Variants in PANX1 observed in about 807,000 individuals in gnomAD.
The protein encoded by PANX1 is pannexin-1.
In PANX1, 30 loss-of-function variants were observed where a neutral mutation model predicts 38.7. The ratio of observed to expected loss-of-function variants is 0.78; its 90% CI spans 0.58 to 1.05. PANX1 has a LOEUF of 1.05. Ranked by LOEUF, PANX1 falls within the 50% of genes least tolerant of loss-of-function variation. PANX1 has a pLI of 0.00. For synonymous variants in PANX1, 230 were observed against 212.2 expected, an observed-to-expected ratio of 1.08 and a Z score of -0.73; for missense variants, 551 against 517.2, an observed-to-expected ratio of 1.07 and a Z score of -0.63.
At chr11:94,165,885 C>T (rs996034581) in intron 2 of PANX1, among the ~76,000 whole-genome samples, 1 of 152,052 alleles carries the variant, frequency 6.6e-6, no homozygotes, top group Non-Finnish European at 1.5e-5. Context: ...TGCACTCCAG[C>T]CTGGGCAACA....
chr11:94,145,475 T>G (rs1429061927), intron 1 of PANX1, among the ~76,000 whole-genome samples: 1 of 152,214 alleles, frequency 6.6e-6, no homozygotes, highest in Non-Finnish European at 1.5e-5. Flanking sequence ...GCAGAGATAT[T>G]TGGTTTTCTT....
chr11:94,165,985 ATAACT>A (rs1458651808), intron 2 of PANX1, among the ~76,000 whole-genome samples: 2 of 152,166 alleles, frequency 1.3e-5, no homozygotes, highest in Non-Finnish European at 2.9e-5. Flanking sequence ...TAAACTGAAG[ATAACT>A]TAATTCCAAT....
At chr11:94,154,163 A>T (rs1440361075) in intron 2 of PANX1, among the ~76,000 whole-genome samples, 1 of 152,114 alleles carries the variant, frequency 6.6e-6, no homozygotes, top group African/African-American at 2.4e-5. Context: ...TTTGGAATGG[A>T]TCCCTTTGCT....
In PANX1 at chr11:94,160,393, A is replaced by G. The variant is rs1947011756; in HGVS notation, c.321+6763A>G. 2.6e-5 allele frequency among the ~76,000 whole-genome samples: 4 copies of G among 152,150 alleles called. No individual in the cohort carries two copies. The South Asian group carries it at 8.3e-4, about 32-fold the overall frequency. ...TTGTAGGTCTCTAAGGACTGGCTTT[A>G]TGAATCTGGGGGCTCCTGTATTGGG... On this transcript the variant is annotated intron_variant, in intron 2 of 4. Coordinates refer to ENST00000227638, the MANE Select transcript of PANX1 (RefSeq NM_015368.4).
rs12285991 is a variant in PANX1 at position 94,162,494 on chromosome 11, C to T, written c.321+8864C>T. Among the ~76,000 whole-genome samples the T allele has an allele frequency of 4.4e-3, 668 of 152,314 alleles. 3 individuals are homozygous for T. The highest frequency in any genetic ancestry group is 0.014 in the African/African-American group (600 of 41,576). On this transcript the variant is annotated intron_variant, in intron 2 of 4. Coordinates refer to ENST00000227638, the MANE Select transcript of PANX1 (RefSeq NM_015368.4). ...GCTGTGCTAGCAATGAGCGAGGCTCCGTGGGCGTAGGACCCTCCGAGCCAG... is the reference window on the plus strand; with the variant it reads ...GCTGTGCTAGCAATGAGCGAGGCTCTGTGGGCGTAGGACCCTCCGAGCCAG...
At chr11:94,153,036 T>A (rs1003924697) in intron 1 of PANX1, among the ~76,000 whole-genome samples, 1 of 152,344 alleles carries the variant, frequency 6.6e-6, no homozygotes, top group South Asian at 2.1e-4. Flanking sequence ...CAGCTTTCTC[T>A]TCCTCAGGCT....
intron 2 of PANX1, among the ~76,000 whole-genome samples, chr11:94,173,032 C>T (rs1191012695): frequency 6.6e-6 from 1 of 151,714 alleles, no homozygotes; most frequent in Non-Finnish European, 1.5e-5. Flanking sequence ...AGGGAGTGCA[C>T]ATTAGCTTTC....
chr11:94,179,846 C>G lies in PANX1; in HGVS notation c.790C>G (p.Gln264Glu), dbSNP rs761387918. 8.7e-6 allele frequency: 14 copies of G among 1,614,016 alleles called. No individual in the cohort carries two copies. The highest frequency in any genetic ancestry group is 1.0e-5 in the Non-Finnish European group (12 of 1,180,034). The change falls in exon 4 of 5, where the codon CAG becomes GAG. Residue 264 changes from glutamine to glutamate, a missense_variant. Gln to Glu is a conservative substitution (Grantham distance 29). Transcript: ENST00000227638. ...CGACAGCACCGTGCCCGATCAGTTT[C>G]AGTGCAAACTCATTGCCGTGGGCAT... ...RNDSTVPDQF[Q>E]CKLIAVGIFQ...
intron 2 of PANX1, among the ~76,000 whole-genome samples, chr11:94,160,680 A>T (rs562582452): frequency 6.6e-6 from 1 of 152,108 alleles, no homozygotes; most frequent in East Asian, 1.9e-4. Flanking sequence ...TCTTTATCCA[A>T]TTTGCCAGTC....
chr11:94,174,819 A>G (rs1486904901), intron 2 of PANX1, among the ~76,000 whole-genome samples: 1 of 151,658 alleles, frequency 6.6e-6, no homozygotes, highest in African/African-American at 2.4e-5. Context: ...GGTAGAGAGG[A>G]TTTGAATATG....
chr11:94,170,753 A>G (rs996956580), intron 2 of PANX1, among the ~76,000 whole-genome samples: 4 of 151,622 alleles, frequency 2.6e-5, no homozygotes, highest in African/African-American at 7.3e-5. Flanking sequence ...GATTTCAGAC[A>G]TGTTTCCCAT....
At position 94,175,115 on chromosome 11, in the gene PANX1, C is replaced by T. The variant is rs766537862; in HGVS notation, c.322-3254C>T. 5.3e-5 allele frequency among the ~76,000 whole-genome samples: 8 copies of T among 151,840 alleles called. No homozygotes were observed. The South Asian group carries it at 1.7e-3, about 31-fold the overall frequency. On this transcript the variant is annotated intron_variant, in intron 2 of 4. Coordinates refer to ENST00000227638, the MANE Select transcript of PANX1 (RefSeq NM_015368.4). ...CACAGCTTATGAACAAAGCTGTTTC[C>T]ATCTGCAGATGCACCCTCAAAGCCC...
At chr11:94,168,193 CCAAAAGCA>C (rs1271550944) in intron 2 of PANX1, among the ~76,000 whole-genome samples, 1 of 151,998 alleles carries the variant, frequency 6.6e-6, no homozygotes, top group African/African-American at 2.4e-5. Context: ...AAATACAGGC[CCAAAAGCA>C]CAAAAAAAGC....
Position 94,129,330 on chromosome 11 carries a change from G to A in PANX1, c.18G>A (p.Leu6=). The A allele has an allele frequency of 6.2e-7, 1 of 1,611,972 alleles. No individual in the cohort carries two copies. Among genetic ancestry groups the A allele is most frequent in the Non-Finnish European group, 8.5e-7 (1 of 1,178,482 alleles). The change falls in exon 1 of 5, where the codon CTG becomes CTA. Residue 6 remains leucine, a synonymous_variant. Transcript: ENST00000227638. ...CCGCAGCCATGGCCATCGCTCAACTGGCCACGGAGTACGTGTTCTCGGATT... is the reference window on the plus strand; with the variant it reads ...CCGCAGCCATGGCCATCGCTCAACTAGCCACGGAGTACGTGTTCTCGGATT... MAIAQ[L]ATEYVFSDFL...
intron 1 of PANX1, among the ~76,000 whole-genome samples, chr11:94,135,309 C>T (rs1946675604): frequency 6.6e-6 from 1 of 152,218 alleles, no homozygotes; most frequent in South Asian, 2.1e-4. Context: ...AGGCATTGGG[C>T]CAGCCCCAGT....
intron 1 of PANX1, among the ~76,000 whole-genome samples, chr11:94,132,662 T>A (rs771820101): frequency 4.6e-5 from 7 of 152,160 alleles, no homozygotes; most frequent in Admixed American, 1.3e-4. Context: ...TGTTTTTCCT[T>A]TTTCCACCTG....
At chr11:94,142,239 T>C (rs1343464649) in intron 1 of PANX1, among the ~76,000 whole-genome samples, 1 of 152,128 alleles carries the variant, frequency 6.6e-6, no homozygotes, top group African/African-American at 2.4e-5. Context: ...GGGTGCCTAG[T>C]CTGTTAAGCG....
At chr11:94,175,646 A>G (rs1314605290) in intron 2 of PANX1, 1 of 676,508 alleles carries the variant, frequency 1.5e-6, no homozygotes, top group Non-Finnish European at 1.8e-6. Flanking sequence ...TTTCGTGGTT[A>G]TGGAAGCAGC....
At chr11:94,134,058 G>A (rs947354726) in intron 1 of PANX1, among the ~76,000 whole-genome samples, 1 of 152,218 alleles carries the variant, frequency 6.6e-6, no homozygotes, top group Admixed American at 6.5e-5. Context: ...ACATCGTCAT[G>A]ATAGGTAAGT....
Sources: gnomAD v4.1 joint callset for allele counts (sites outside exome capture counted in the v4.1 genomes callset) on GRCh38, gnomAD v4.1.1 for gene constraint, MANE v1.5 for transcripts, NCBI Gene and HGNC (gene_info 2026-07-23, HGNC 2026-07-21) for gene names.